Variants in CCSER1 observed in about 807,000 individuals in gnomAD.
CCSER1 encodes the protein serine-rich coiled-coil domain-containing protein 1.
In CCSER1, 41 loss-of-function variants were observed where a neutral mutation model predicts 82.0. That is an observed-to-expected ratio of 0.50 (90% CI 0.39 to 0.65). The LOEUF (loss-of-function observed/expected upper bound fraction) is 0.65, where lower values mean the gene tolerates loss of function less well. Among genes scored for constraint, CCSER1 ranks in the 30% least tolerant of loss-of-function variants. The probability of loss-of-function intolerance (pLI) is 0.00; values close to 1 mark genes in which losing one functional copy is unlikely to be tolerated. For synonymous variants in CCSER1, 414 were observed against 383.9 expected (o/e 1.08, Z -0.92); for missense variants, 1,119 against 1,064.2 (o/e 1.05, Z -0.72).
chr4:91,107,648 T>C (rs568509443), intron 10 of CCSER1, among the ~76,000 whole-genome samples: 1 of 151,520 alleles, frequency 6.6e-6, no homozygotes, highest in Non-Finnish European at 1.5e-5. Context: ...TCTTTTTTTT[T>C]TTTTTTTTGA....
chr4:91,328,417 TTG>T (rs975340681), intron 10 of CCSER1, among the ~76,000 whole-genome samples: 4 of 152,138 alleles, frequency 2.6e-5, no homozygotes, highest in African/African-American at 9.7e-5. Flanking sequence ...CAACCAGACC[TTG>T]TGAAAACTCA....
At chr4:90,401,699 T>C (rs1240924954) in intron 4 of CCSER1, among the ~76,000 whole-genome samples, 1 of 151,792 alleles carries the variant, frequency 6.6e-6, no homozygotes, top group Non-Finnish European at 1.5e-5. Flanking sequence ...ACATCCAATT[T>C]TTGTATTTTA....
chr4:90,809,623 T>G (rs946097307), intron 7 of CCSER1, among the ~76,000 whole-genome samples: 1 of 152,026 alleles, frequency 6.6e-6, no homozygotes, highest in Non-Finnish European at 1.5e-5. Flanking sequence ...AATCCTAGAC[T>G]TCACCACTAT....
At chr4:90,425,080 T>C (rs940904463) in intron 4 of CCSER1, among the ~76,000 whole-genome samples, 6 of 152,194 alleles carry the variant, frequency 3.9e-5, no homozygotes, top group Non-Finnish European at 7.4e-5. Context: ...CTGGCATCAG[T>C]GTCCATTAGT....
rs1367439030 is a variant in CCSER1 at position 90,309,031 on chromosome 4, T to C, written c.747T>C (p.Ala249=). Residue 249 remains alanine, a synonymous_variant, in exon 2 of 11, where the codon GCT becomes GCC. Coordinates refer to ENST00000509176, the MANE Select transcript of CCSER1 (RefSeq NM_001145065.2). The part of the protein sequence containing the change: ...GSSLQSPLLS[A]DLTTAQTPSE... ...CTTTACAATCTCCTTTGCTTTCTGC[T>C]GATCTTACCACAGCTCAGACACCTT... is the stretch of plus-strand genomic sequence containing the variant. 1 of 1,613,848 alleles carries C rather than the reference T, an allele frequency of 6.2e-7. No individual in the cohort carries two copies. Among genetic ancestry groups the C allele is most frequent in the East Asian group, 2.2e-5 (1 of 44,866 alleles).
chr4:90,684,049 T>C (rs918773206), intron 6 of CCSER1, among the ~76,000 whole-genome samples: 10 of 152,180 alleles, frequency 6.6e-5, no homozygotes, highest in Admixed American at 1.3e-4. Context: ...CTGAGGTTGA[T>C]TGAGTTGTGT....
chr4:90,990,544 A>G (rs558331479), intron 9 of CCSER1, among the ~76,000 whole-genome samples: 1 of 152,044 alleles, frequency 6.6e-6, no homozygotes, highest in East Asian at 1.9e-4. Flanking sequence ...TTGAGCTTGC[A>G]GTGAATATTT....
chr4:90,475,555 T>G (rs1006129689), intron 5 of CCSER1, among the ~76,000 whole-genome samples: 1 of 152,170 alleles, frequency 6.6e-6, no homozygotes, highest in East Asian at 1.9e-4. Flanking sequence ...TCTCTGCAGT[T>G]GGAAGCACAA....
chr4:91,006,330 G>A (rs969628665), intron 9 of CCSER1, among the ~76,000 whole-genome samples: 5 of 151,322 alleles, frequency 3.3e-5, no homozygotes, highest in Admixed American at 1.3e-4. Flanking sequence ...ACTAATTTCT[G>A]TAGGTTAATT....
intron 5 of CCSER1, among the ~76,000 whole-genome samples, chr4:90,518,892 A>G (rs1718487650): frequency 1.3e-5 from 2 of 151,866 alleles, no homozygotes; most frequent in South Asian, 4.1e-4. Flanking sequence ...TACACATTTC[A>G]TGATATTAGA....
chr4:90,135,476 A>T (rs1196417719), intron 1 of CCSER1, among the ~76,000 whole-genome samples: 1 of 152,038 alleles, frequency 6.6e-6, no homozygotes, highest in Non-Finnish European at 1.5e-5. Flanking sequence ...AAAACACAAC[A>T]CTTTCCTGGA....
At chr4:90,250,559 C>G (rs1175327594) in intron 1 of CCSER1, among the ~76,000 whole-genome samples, 1 of 152,048 alleles carries the variant, frequency 6.6e-6, no homozygotes, top group Non-Finnish European at 1.5e-5. Context: ...TGGTTCTGTT[C>G]CACTGCTTTA....
At chr4:90,446,320 G>C (rs918295467) in intron 4 of CCSER1, among the ~76,000 whole-genome samples, 2 of 152,122 alleles carry the variant, frequency 1.3e-5, no homozygotes, top group Non-Finnish European at 2.9e-5. Flanking sequence ...TCTTAAAAGT[G>C]AGGATGGACA....
chr4:90,496,718 C>T lies in CCSER1; in HGVS notation c.1724+28364C>T, dbSNP rs183481414. Among the ~76,000 whole-genome samples the T allele has an allele frequency of 4.2e-3, 636 of 152,104 alleles. 6 individuals carry two copies. Among genetic ancestry groups the T allele is most frequent in the African/African-American group, 0.014 (590 of 41,506 alleles). On this transcript the variant is annotated intron_variant, in intron 5 of 10. Coordinates refer to ENST00000509176, the MANE Select transcript of CCSER1 (RefSeq NM_001145065.2). ...CATCGGCCAGGCACAGTGGCTCACG[C>T]CTGTAATTCCAGCACTTTGGGAGGC...
intron 3 of CCSER1, among the ~76,000 whole-genome samples, chr4:90,324,873 T>C (rs914367670): frequency 1.3e-5 from 2 of 152,224 alleles, no homozygotes; most frequent in Non-Finnish European, 2.9e-5. Context: ...GGATCCAGTT[T>C]CAGCTTTCTA....
chr4:91,442,847 A>G (rs1050105461), intron 10 of CCSER1, among the ~76,000 whole-genome samples: 1 of 152,184 alleles, frequency 6.6e-6, no homozygotes, highest in African/African-American at 2.4e-5. Context: ...GAAGACATTT[A>G]TGCAGCCAAA....
At chr4:90,464,490 G>T (rs1259092821) in intron 4 of CCSER1, among the ~76,000 whole-genome samples, 1 of 152,210 alleles carries the variant, frequency 6.6e-6, no homozygotes, top group Non-Finnish European at 1.5e-5. Flanking sequence ...TTGGCCAAAA[G>T]GCCTCATCTG....
chr4:91,419,299 G>GCAAATGA (rs1298306162), intron 10 of CCSER1, among the ~76,000 whole-genome samples: 1 of 151,980 alleles, frequency 6.6e-6, no homozygotes, highest in Non-Finnish European at 1.5e-5. Flanking sequence ...AGTTGTCTCT[G>GCAAATGA]CAAATGACAT....
intron 10 of CCSER1, among the ~76,000 whole-genome samples, chr4:91,425,889 C>T (rs1011270520): frequency 6.6e-6 from 1 of 152,096 alleles, no homozygotes; most frequent in African/African-American, 2.4e-5. Context: ...AGGGTTCCTA[C>T]CACAATTTTT....
Sources: gnomAD v4.1 joint callset for allele counts (sites outside exome capture counted in the v4.1 genomes callset) on GRCh38, gnomAD v4.1.1 for gene constraint, MANE v1.5 for transcripts, NCBI Gene and HGNC (gene_info 2026-07-23, HGNC 2026-07-21) for gene names.